The following GPD1L variants were observed in gnomAD, a reference collection of about 807,000 sequenced individuals.
GPD1L encodes the protein glycerol-3-phosphate dehydrogenase 1-like protein.
GPD1L carries 17 observed loss-of-function variants against 32.9 expected under a neutral mutation model. The ratio of observed to expected loss-of-function variants is 0.52; its 90% confidence interval spans 0.35 to 0.78. The LOEUF (loss-of-function observed/expected upper bound fraction) is 0.78, where lower values mean the gene tolerates loss of function less well. Among genes scored for constraint, GPD1L ranks in the 30% least tolerant of loss-of-function variants. GPD1L has a pLI of 0.01. For synonymous variants in GPD1L, 187 were observed against 165.9 expected, an observed-to-expected ratio of 1.13 and a Z score of -0.98; for missense variants, 361 against 447.8, an observed-to-expected ratio of 0.81 and a Z score of 1.75.
chr3:32,136,444 A>G (rs1176121469), intron 2 of GPD1L, among the ~76,000 whole-genome samples: 1 of 152,218 alleles, frequency 6.6e-6, no homozygotes, highest in African/African-American at 2.4e-5. Context: ...CCCAAATGGC[A>G]TGGATAAAAT....
At chr3:32,153,569 T>G (rs980489284) in intron 5 of GPD1L, among the ~76,000 whole-genome samples, 2 of 152,210 alleles carry the variant, frequency 1.3e-5, no homozygotes, top group African/African-American at 4.8e-5. Flanking sequence ...CCAGGCTGCC[T>G]TAGACAGGGG....
At chr3:32,121,593 A>G (rs1170319405) in intron 1 of GPD1L, among the ~76,000 whole-genome samples, 50 of 130,530 alleles carry the variant, frequency 3.8e-4, no homozygotes, top group East Asian at 8.2e-4. Context: ...ATATTTCTAT[A>G]TATATATTTC....
rs539068850 is a variant in GPD1L at position 32,115,758 on chromosome 3, C to CTTTTTTTTTTTTTTTTTTTTTTTTT, written c.47+9024_47+9048dup. Among the ~76,000 whole-genome samples, 6 of 45,086 alleles carry CTTTTTTTTTTTTTTTTTTTTTTTTT rather than the reference C, an allele frequency of 1.3e-4. 2 individuals are homozygous for CTTTTTTTTTTTTTTTTTTTTTTTTT. Among genetic ancestry groups the CTTTTTTTTTTTTTTTTTTTTTTTTT allele is most frequent in the Non-Finnish European group, 2.9e-4 (6 of 20,538 alleles). 29.6% of individuals were successfully genotyped at this position (45,086 alleles called of 152,430 possible). A position where few individuals can be genotyped will look rare whatever the true frequency, so the allele number is the denominator to read the frequency against. ...CTAAACCCTTTTCGTGTACGTTGAA[C>CTTTTTTTTTTTTTTTTTTTTTTTTT]TTTTTTTTTTTTTTTTTTTTTTTTT... On this transcript the variant is annotated intron_variant, in intron 1 of 7. Transcript: ENST00000282541.
At chr3:32,125,360 T>A (rs1700490408) in intron 1 of GPD1L, among the ~76,000 whole-genome samples, 1 of 152,256 alleles carries the variant, frequency 6.6e-6, no homozygotes, top group South Asian at 2.1e-4. Flanking sequence ...GAGTTATGGA[T>A]CAGCTGGTCA....
At chr3:32,121,605 ATATATATTTCTATATATAT>A in intron 1 of GPD1L, among the ~76,000 whole-genome samples, 1 of 105,152 alleles carries the variant, frequency 9.5e-6, no homozygotes, top group Admixed American at 9.7e-5. Flanking sequence ...ATATATTTCT[ATATATATTTCTATATATAT>A]TATATATATT....
Position 32,138,728 on chromosome 3 carries a change from G to GT in GPD1L, c.366+2dup. The GT allele has an allele frequency of 3.1e-6, 5 of 1,613,922 alleles. No individual in the cohort carries two copies. The highest frequency in any genetic ancestry group is 4.2e-6 in the Non-Finnish European group (5 of 1,179,886). On this transcript the variant is annotated splice_donor_variant, in intron 3 of 7. Transcript: ENST00000282541. LOFTEE classifies it high-confidence loss of function. ...AGCGCTGGGAATCACCCTCATCAAGGTAACTCGAGTGCATGCTGCCCAGGG... is the reference window on the plus strand; with the variant it reads ...AGCGCTGGGAATCACCCTCATCAAGGTTAACTCGAGTGCATGCTGCCCAGGG...
chr3:32,139,327 T>C (rs528490301), intron 3 of GPD1L, among the ~76,000 whole-genome samples: 1 of 152,356 alleles, frequency 6.6e-6, no homozygotes, highest in East Asian at 1.9e-4. Context: ...TTACACCTTT[T>C]TCTGATATCT....
intron 5 of GPD1L, among the ~76,000 whole-genome samples, chr3:32,152,713 A>C (rs1199362393): frequency 6.6e-6 from 1 of 152,150 alleles, no homozygotes; most frequent in Admixed American, 6.6e-5. Flanking sequence ...GGTTTTGGAG[A>C]GGACAAACAC....
chr3:32,106,828 C>A lies in GPD1L; in HGVS notation c.47+70C>A. On this transcript the variant is annotated intron_variant, in intron 1 of 7. Transcript: ENST00000282541. This position sits in a 1 kb window ranked among gnomAD's most constrained non-coding sequence, Gnocchi z 4.0. ...CGCCTCTCCCGGGCGGTGAGGGCTG[C>A]GCGCCCCATGCTGCGGCGTGGGCAC... The A allele has an allele frequency of 7.1e-7, 1 of 1,413,102 alleles. No homozygotes were observed. Among genetic ancestry groups the A allele is most frequent in the Non-Finnish European group, 9.5e-7 (1 of 1,055,228 alleles). The allele number at this position is 1,413,102 out of a possible 1,614,324, so 87.5% of individuals were successfully genotyped here.
At chr3:32,121,597 A>C (rs1015451151) in intron 1 of GPD1L, among the ~76,000 whole-genome samples, 20 of 134,854 alleles carry the variant, frequency 1.5e-4, no homozygotes, top group Admixed American at 4.0e-4. Context: ...TTCTATATAT[A>C]TATTTCTATA....
chr3:32,113,048 G>A (rs892454553), intron 1 of GPD1L, among the ~76,000 whole-genome samples: 1 of 152,140 alleles, frequency 6.6e-6, no homozygotes, highest in African/African-American at 2.4e-5. Flanking sequence ...TCATAAAAAT[G>A]TTGAGTATCC....
At chr3:32,131,541 TA>T (rs1404547308) in intron 2 of GPD1L, among the ~76,000 whole-genome samples, 1 of 152,230 alleles carries the variant, frequency 6.6e-6, no homozygotes, top group Non-Finnish European at 1.5e-5. Flanking sequence ...TCACTTTGCA[TA>T]ATGCTGTGAA....
In GPD1L at chr3:32,106,625, C is replaced by T; in HGVS notation, c.-87C>T. 3.1e-6 allele frequency: 4 copies of T among 1,310,018 alleles called. No individual in the cohort carries two copies. The highest frequency in any genetic ancestry group is 3.0e-5 in the East Asian group (1 of 32,936). 81.1% of individuals were successfully genotyped at this position (1,310,018 alleles called of 1,614,324 possible). On this transcript the variant is annotated 5_prime_UTR_variant, in exon 1 of 8. Coordinates refer to ENST00000282541, the MANE Select transcript of GPD1L (RefSeq NM_015141.4). This position sits in a 1 kb window ranked among gnomAD's most constrained non-coding sequence, Gnocchi z 4.0. ...GGAGAGGCGAAAGGGGCGGGGCCGC[C>T]GCCAGCCGCTGCGGGCAAGGCTGAA... is the stretch of plus-strand genomic sequence containing the variant.
At chr3:32,128,626 C>T (rs1176328352) in intron 2 of GPD1L, among the ~76,000 whole-genome samples, 1 of 152,160 alleles carries the variant, frequency 6.6e-6, no homozygotes, top group African/African-American at 2.4e-5. Flanking sequence ...CTGTCATAAT[C>T]TCCTCTTATA....
In GPD1L at chr3:32,128,046, T is replaced by C. The variant is rs1700537085; in HGVS notation, c.48-30T>C. 8 of 1,519,792 alleles carry C rather than the reference T, an allele frequency of 5.3e-6. No homozygotes were observed. In the East Asian group the frequency reaches 1.8e-4, roughly 34 times the overall value. The allele number at this position is 1,519,792 out of a possible 1,614,324, so 94.1% of individuals were successfully genotyped here. ...TTTCTCTCCCGCCCAAGTGAGTTTA[T>C]GTTTTTCTTTTCCACGATTTCTTTT... On this transcript the variant is annotated intron_variant, in intron 1 of 7. Transcript: ENST00000282541.
At position 32,106,936 on chromosome 3, in the gene GPD1L, A is replaced by T; in HGVS notation, c.47+178A>T. On this transcript the variant is annotated intron_variant, in intron 1 of 7. Coordinates refer to ENST00000282541, the MANE Select transcript of GPD1L (RefSeq NM_015141.4). The surrounding 1 kb of genome is among the most constrained non-coding windows in gnomAD (Gnocchi z 4.0). ...GCGCCCGAGGAGGCCGCACCGGGGC[A>T]CTCGCTCGGGAGGCGCTGGGCTCGC... is the stretch of plus-strand genomic sequence containing the variant. The T allele has an allele frequency of 2.1e-6, 1 of 475,928 alleles. No homozygotes were observed. Among genetic ancestry groups the T allele is most frequent in the Non-Finnish European group, 3.4e-6 (1 of 298,346 alleles). 29.5% of individuals were successfully genotyped at this position (475,928 alleles called of 1,614,324 possible). A position where few individuals can be genotyped will look rare whatever the true frequency, so the allele number is the denominator to read the frequency against.
chr3:32,133,998 GT>G lies in GPD1L; in HGVS notation c.226-4587del, dbSNP rs373077385. 2.2e-4 allele frequency among the ~76,000 whole-genome samples: 34 copies of G among 152,330 alleles called. No homozygotes were observed. In the East Asian group the frequency reaches 5.4e-3, roughly 24 times the overall value. On this transcript the variant is annotated intron_variant, in intron 2 of 7. Transcript: ENST00000282541. ...ACCAGCCCTGATGCCTTCGTTCTGG[GT>G]TGTTTGTCCTACTTGCCATTGAAAG...
At chr3:32,137,129 G>A (rs1700674222) in intron 2 of GPD1L, among the ~76,000 whole-genome samples, 2 of 152,278 alleles carry the variant, frequency 1.3e-5, no homozygotes, top group African/African-American at 2.4e-5. Flanking sequence ...GGCCCATTCC[G>A]AATGATGTTC....
intron 4 of GPD1L, among the ~76,000 whole-genome samples, chr3:32,141,025 T>C (rs1196492238): frequency 6.6e-6 from 1 of 152,246 alleles, no homozygotes; most frequent in Non-Finnish European, 1.5e-5. Context: ...TATTAAACGA[T>C]GCTTTGTTGG....
Sources: gnomAD v4.1 joint callset for allele counts (sites outside exome capture counted in the v4.1 genomes callset) on GRCh38, gnomAD v4.1.1 for gene constraint, Gnocchi (gnomAD v3.1) non-coding constraint, MANE v1.5 for transcripts, NCBI Gene and HGNC (gene_info 2026-07-23, HGNC 2026-07-21) for gene names.